The following PIR variants were observed in gnomAD, a reference collection of about 807,000 sequenced individuals.
PIR encodes pirin, also known as pirin (iron-binding nuclear protein).
A neutral mutation model predicts 24.2 loss-of-function variants in PIR; 22 were observed. The ratio of observed to expected loss-of-function variants is 0.91; its 90% CI spans 0.65 to 1.30. The LOEUF is 1.30. Ranked by LOEUF, PIR falls within the 50% of genes most tolerant of loss-of-function variation. The pLI is 0.00. For synonymous variants in PIR, 80 were observed against 79.6 expected (o/e 1.00, Z -0.03); for missense variants, 220 against 220.3 (o/e 1.00, Z 0.01).
chrX:15,471,268 GC>G (rs960088217), intron 3 of PIR, among the ~76,000 whole-genome samples: 1 of 111,359 alleles, frequency 9.0e-6, no homozygotes, highest in Non-Finnish European at 1.9e-5. Flanking sequence ...CACTTCTTGG[GC>G]TTTTGGCTAA....
intron 3 of PIR, among the ~76,000 whole-genome samples, chrX:15,466,490 C>T (rs749521235): frequency 9.8e-5 from 11 of 112,052 alleles, no homozygotes; most frequent in Admixed American, 9.4e-4. Context: ...AAAACTACAC[C>T]GGCTTTGGGG....
chrX:15,432,252 C>A (rs1925534283), intron 5 of PIR, among the ~76,000 whole-genome samples: 1 of 111,826 alleles, frequency 8.9e-6, no homozygotes, highest in Non-Finnish European at 1.9e-5. Context: ...CTATAATGTG[C>A]TAGTCATTGG....
At chrX:15,387,475 A>G in intron 9 of PIR, among the ~76,000 whole-genome samples, 1 of 111,207 alleles carries the variant, frequency 9.0e-6, no homozygotes, top group African/African-American at 3.3e-5. Context: ...TACATTGTTG[A>G]AACTATGGAT....
intron 4 of PIR, among the ~76,000 whole-genome samples, chrX:15,458,620 G>C (rs770802460): frequency 8.9e-6 from 1 of 112,234 alleles, no homozygotes; most frequent in Non-Finnish European, 1.9e-5. Flanking sequence ...GCCTGAGCAA[G>C]AGAGTGAGGC....
chrX:15,486,395 A>G (rs1922830410), intron 2 of PIR, among the ~76,000 whole-genome samples: 1 of 109,024 alleles, frequency 9.2e-6, no homozygotes, highest in Non-Finnish European at 1.9e-5. Context: ...TTACAACAGG[A>G]AGCACTGGAA....
At chrX:15,481,875 G>C (rs934037305) in intron 2 of PIR, among the ~76,000 whole-genome samples, 1 of 111,654 alleles carries the variant, frequency 9.0e-6, no homozygotes, top group Admixed American at 9.6e-5. Context: ...AATTTCTCTG[G>C]GTTTTTATGG....
chrX:15,439,070 C>A lies in PIR; in HGVS notation c.481-13080G>T, dbSNP rs73451208. Among the ~76,000 whole-genome samples, 833 of 112,333 alleles carry A rather than the reference C, an allele frequency of 7.4e-3. 10 individuals are homozygous for A. The highest frequency in any genetic ancestry group is 0.025 in the African/African-American group (788 of 30,964). On this transcript the variant is annotated intron_variant, in intron 5 of 9. Transcript: ENST00000380420. Reference sequence around the variant, plus strand: ...ACATGGCCAAGAATCTGTCTCACTTCCCTTCTCCTTCACTCCCACTGCCCT... The same window carrying A: ...ACATGGCCAAGAATCTGTCTCACTTACCTTCTCCTTCACTCCCACTGCCCT...
chrX:15,411,808 C>A (rs1924752565), intron 6 of PIR, among the ~76,000 whole-genome samples: 1 of 111,883 alleles, frequency 8.9e-6, no homozygotes, highest in African/African-American at 3.2e-5. Flanking sequence ...CCACCAAATT[C>A]TTTTTAATTT....
chrX:15,427,682 C>T (rs775376435), intron 5 of PIR, among the ~76,000 whole-genome samples: 5 of 106,977 alleles, frequency 4.7e-5, no homozygotes, highest in African/African-American at 1.8e-4. Flanking sequence ...AATATATGTA[C>T]TGACAGTACA....
At chrX:15,452,002 GA>G (rs1464846257) in intron 5 of PIR, among the ~76,000 whole-genome samples, 1 of 111,652 alleles carries the variant, frequency 9.0e-6, no homozygotes, top group African/African-American at 3.3e-5. Flanking sequence ...TTACAGATGA[GA>G]ACACTGAGGC....
In PIR at chrX:15,410,918, A is replaced by G. The variant is rs184237791; in HGVS notation, c.566-3368T>C. On this transcript the variant is annotated intron_variant, in intron 6 of 9. Transcript: ENST00000380420. ...AAGCTTTGTTTCTTCAGCTTGCTGC[A>G]AAAGAAAACAAATGCCAAATTTCAT... is the stretch of plus-strand genomic sequence containing the variant. Among the ~76,000 whole-genome samples the G allele has an allele frequency of 9.9e-3, 1,112 of 112,385 alleles. 7 individuals are homozygous for G. The highest frequency in any genetic ancestry group is 0.015 in the Non-Finnish European group (783 of 53,316).
chrX:15,398,216 T>C (rs1199566884), intron 7 of PIR, among the ~76,000 whole-genome samples: 2 of 111,536 alleles, frequency 1.8e-5, no homozygotes, highest in Non-Finnish European at 3.8e-5. Flanking sequence ...CTGCATGTTG[T>C]GCACATGTAC....
intron 4 of PIR, among the ~76,000 whole-genome samples, chrX:15,458,680 C>T (rs891067088): frequency 2.7e-5 from 3 of 112,215 alleles, no homozygotes; most frequent in African/African-American, 9.7e-5. Context: ...AGAGATCATG[C>T]ATACAAAAAC....
intron 2 of PIR, among the ~76,000 whole-genome samples, chrX:15,484,533 T>G (rs1375197838): frequency 9.1e-6 from 1 of 109,717 alleles, no homozygotes; most frequent in East Asian, 2.9e-4. Context: ...CAGGCTAGTC[T>G]CAAACTCCTG....
At chrX:15,472,809 C>G (rs773253963) in intron 3 of PIR, among the ~76,000 whole-genome samples, 1 of 111,894 alleles carries the variant, frequency 8.9e-6, no homozygotes, top group South Asian at 3.7e-4. Flanking sequence ...CATATTTGTA[C>G]CTGTTATGAT....
chrX:15,491,203 C>G lies in PIR; in HGVS notation c.55G>C (p.Gly19Arg). The part of the protein sequence containing the change: ...LSVLSREQSE[G>R]VGARVRRSIG... ...CTTCTCCGGACCCTCGCTCCAACCC[C>G]TTCCGACTGCTCCCGGCTGAGCACT... Residue 19 changes from glycine to arginine, a missense_variant, in exon 2 of 10, where the codon GGG becomes CGG. By Grantham distance (125) the Gly-to-Arg change is moderately radical. Coordinates refer to ENST00000380420, the MANE Select transcript of PIR (RefSeq NM_001018109.3). 8.3e-7 allele frequency: 1 copy of G among 1,208,767 alleles called. No homozygotes were observed. The highest frequency in any genetic ancestry group is 3.0e-5 in the East Asian group (1 of 33,807).
In PIR at chrX:15,435,894, G is replaced by A. The variant is rs1307215489; in HGVS notation, c.481-9904C>T. ...GCTCTTCAACAAAATGATGTCTTCT[G>A]TATCCAATCCAAAGCACTTTGAATT... On this transcript the variant is annotated intron_variant, in intron 5 of 9. Transcript: ENST00000380420. Among the ~76,000 whole-genome samples, 13 of 112,572 alleles carry A rather than the reference G, an allele frequency of 1.2e-4. No individual in the cohort carries two copies. The South Asian group carries it at 2.6e-3, about 22-fold the overall frequency.
chrX:15,387,580 T>C (rs1008810442), intron 9 of PIR, among the ~76,000 whole-genome samples: 1 of 111,115 alleles, frequency 9.0e-6, no homozygotes, highest in Non-Finnish European at 1.9e-5. Flanking sequence ...GAATAAACAA[T>C]AAACCCAAGA....
intron 5 of PIR, among the ~76,000 whole-genome samples, chrX:15,449,347 C>A (rs1290949384): frequency 1.8e-5 from 2 of 112,092 alleles, no homozygotes; most frequent in African/African-American, 6.5e-5. Flanking sequence ...ACTTTCTCCC[C>A]CTATCTATCC....
Sources: gnomAD v4.1 joint callset for allele counts (sites outside exome capture counted in the v4.1 genomes callset) on GRCh38, gnomAD v4.1.1 for gene constraint, MANE v1.5 for transcripts, NCBI Gene and HGNC (gene_info 2026-07-23, HGNC 2026-07-21) for gene names.